Variants in PTPRD observed in about 807,000 individuals in gnomAD.
The protein encoded by PTPRD is protein tyrosine phosphatase receptor type D.
A neutral mutation model predicts 214.5 loss-of-function variants in PTPRD; 34 were observed. The observed-to-expected ratio is 0.16, with a 90% CI of 0.12 to 0.21. The LOEUF (loss-of-function observed/expected upper bound fraction) is 0.21, where lower values mean the gene tolerates loss of function less well. Among genes scored for constraint, PTPRD ranks in the 10% least tolerant of loss-of-function variants. The probability of loss-of-function intolerance (pLI) is 1.00; values close to 1 mark genes in which losing one functional copy is unlikely to be tolerated. For synonymous variants in PTPRD, 1,128 were observed against 845.7 expected (o/e 1.33, Z -5.79); for missense variants, 2,545 against 2,398.7 (o/e 1.06, Z -1.27).
At chr9:10,337,472 G>A (rs1364745846) in intron 3 of PTPRD, among the ~76,000 whole-genome samples, 1 of 151,640 alleles carries the variant, frequency 6.6e-6, no homozygotes, top group Non-Finnish European at 1.5e-5. Flanking sequence ...AGATAGTATA[G>A]TTTAATAGGT....
At chr9:8,473,765 C>T (rs2096707441) in intron 30 of PTPRD, among the ~76,000 whole-genome samples, 1 of 152,180 alleles carries the variant, frequency 6.6e-6, no homozygotes, top group Non-Finnish European at 1.5e-5. Flanking sequence ...AATTGAACAG[C>T]CTCCCCCACG....
At chr9:10,151,001 A>G (rs1047435525) in intron 3 of PTPRD, among the ~76,000 whole-genome samples, 3 of 151,652 alleles carry the variant, frequency 2.0e-5, no homozygotes, top group Non-Finnish European at 2.9e-5. Context: ...AGTTGTGGAT[A>G]TAAAATAAGT....
At chr9:8,950,427 T>G (rs2099095201) in intron 11 of PTPRD, among the ~76,000 whole-genome samples, 1 of 151,430 alleles carries the variant, frequency 6.6e-6, no homozygotes, top group African/African-American at 2.4e-5. Context: ...AGAAGAAAGC[T>G]GTGGGGCAAA....
At chr9:9,990,144 A>G (rs868488919) in intron 4 of PTPRD, among the ~76,000 whole-genome samples, 62 of 152,272 alleles carry the variant, frequency 4.1e-4, no homozygotes, top group African/African-American at 1.4e-3. Flanking sequence ...ATGTTGGTTC[A>G]GTTTCCCTTC....
At chr9:10,595,085 C>T (rs1317325728) in intron 2 of PTPRD, among the ~76,000 whole-genome samples, 1 of 151,702 alleles carries the variant, frequency 6.6e-6, no homozygotes, top group Admixed American at 6.6e-5. Context: ...AACCAATTTG[C>T]TTATATTGTT....
chr9:10,477,827 G>T (rs1589071474), intron 2 of PTPRD, among the ~76,000 whole-genome samples: 1 of 152,046 alleles, frequency 6.6e-6, no homozygotes, highest in Non-Finnish European at 1.5e-5. Flanking sequence ...CATGTCCTTT[G>T]CAGTAACATG....
chr9:9,369,642 T>C (rs887933238), intron 9 of PTPRD, among the ~76,000 whole-genome samples: 22 of 152,144 alleles, frequency 1.4e-4, no homozygotes, highest in African/African-American at 5.3e-4. Flanking sequence ...ATTTTGGCTT[T>C]TGTTGCCATT....
intron 2 of PTPRD, among the ~76,000 whole-genome samples, chr9:10,514,108 A>G (rs10511548): frequency 0.33 from 49,732 of 151,924 alleles, 8,450 homozygotes; most frequent in Non-Finnish European, 0.38. Context: ...ATTCATATGG[A>G]ACAAGTGAGT....
At chr9:8,707,165 G>A (rs2098227535) in intron 12 of PTPRD, among the ~76,000 whole-genome samples, 1 of 152,104 alleles carries the variant, frequency 6.6e-6, no homozygotes, top group Admixed American at 6.5e-5. Flanking sequence ...TGTCTTTGTT[G>A]CAGCAATAAA....
At chr9:10,261,667 A>G (rs1261861868) in intron 3 of PTPRD, among the ~76,000 whole-genome samples, 3 of 152,150 alleles carry the variant, frequency 2.0e-5, no homozygotes, top group South Asian at 4.1e-4. Flanking sequence ...TCTAGTGTTT[A>G]AAAATCCAAA....
intron 2 of PTPRD, among the ~76,000 whole-genome samples, chr9:10,573,662 G>C (rs887101660): frequency 6.6e-6 from 1 of 152,150 alleles, no homozygotes. Flanking sequence ...CCTGCACGGG[G>C]CTACAGCGCA....
At chr9:10,262,099 T>A (rs564371995) in intron 3 of PTPRD, among the ~76,000 whole-genome samples, 10 of 152,108 alleles carry the variant, frequency 6.6e-5, no homozygotes, top group Non-Finnish European at 1.2e-4. Flanking sequence ...TATTAAACCA[T>A]TTAATTGACA....
intron 2 of PTPRD, among the ~76,000 whole-genome samples, chr9:10,466,493 C>G (rs2098994409): frequency 6.6e-6 from 1 of 151,726 alleles, no homozygotes; most frequent in African/African-American, 2.4e-5. Flanking sequence ...CGTGGTGGCG[C>G]ATGCCTGTAA....
At chr9:8,630,100 G>A (rs1020345796) in intron 14 of PTPRD, among the ~76,000 whole-genome samples, 5 of 151,742 alleles carry the variant, frequency 3.3e-5, no homozygotes, top group Non-Finnish European at 7.4e-5. Context: ...TCTTCATCCA[G>A]TTCACTTAGA....
chr9:10,245,921 A>G (rs189949434), intron 3 of PTPRD, among the ~76,000 whole-genome samples: 4 of 152,316 alleles, frequency 2.6e-5, no homozygotes, highest in Non-Finnish European at 5.9e-5. Context: ...AAATTTTGAC[A>G]CATACTATAA....
chr9:8,436,693 T>C lies in PTPRD; in HGVS notation c.3989-4A>G. On this transcript the variant is annotated splice_polypyrimidine_tract_variant and splice_region_variant and intron_variant, in intron 34 of 45. Coordinates refer to ENST00000381196, the MANE Select transcript of PTPRD (RefSeq NM_002839.4). ...ATTGGAGGATGGCTAGCCATACCTA[T>C]TGAAAAAAGCAAAGAAGAAACACAT... 6.2e-7 allele frequency: 1 copy of C among 1,606,416 alleles called. No individual in the cohort carries two copies. Among genetic ancestry groups the C allele is most frequent in the Non-Finnish European group, 8.5e-7 (1 of 1,174,858 alleles).
intron 4 of PTPRD, among the ~76,000 whole-genome samples, chr9:9,960,493 G>A (rs188354503): frequency 3.3e-5 from 5 of 152,082 alleles, no homozygotes; most frequent in Admixed American, 3.3e-4. Flanking sequence ...ACTTAGCAGT[G>A]GAGAAACCTG....
intron 2 of PTPRD, among the ~76,000 whole-genome samples, chr9:10,426,732 T>C (rs552374947): frequency 5.3e-5 from 8 of 152,012 alleles, no homozygotes; most frequent in Non-Finnish European, 7.4e-5. Flanking sequence ...TGGACTATAG[T>C]TTTTTTGCAG....
intron 7 of PTPRD, among the ~76,000 whole-genome samples, chr9:9,686,336 T>C (rs1564539359): frequency 6.6e-6 from 1 of 151,442 alleles, no homozygotes; most frequent in African/African-American, 2.4e-5. Context: ...ATTTTTTTAC[T>C]GTGTATTCTG....
Sources: allele counts gnomAD v4.1 joint callset (sites outside exome capture counted in the v4.1 genomes callset), GRCh38; gene constraint gnomAD v4.1.1; transcripts MANE v1.5; gene names NCBI Gene and HGNC (gene_info 2026-07-23, HGNC 2026-07-21).